The following PLAGL2 variants were observed in gnomAD, a reference collection of about 807,000 sequenced individuals.
PLAGL2 encodes the protein zinc finger protein PLAGL2.
PLAGL2 carries 7 observed loss-of-function variants against 29.0 expected under a neutral mutation model. That is an observed-to-expected ratio of 0.24 (90% CI 0.14 to 0.45). The LOEUF is 0.45. Among genes scored for constraint, PLAGL2 ranks in the 20% least tolerant of loss-of-function variants. The probability of loss-of-function intolerance (pLI) is 0.99; values close to 1 mark genes in which losing one functional copy is unlikely to be tolerated. For synonymous variants in PLAGL2, 234 were observed against 266.0 expected (o/e 0.88, Z 1.17); for missense variants, 454 against 648.2 (o/e 0.70, Z 3.25).
chr20:32,204,635 A>C (rs2047276577), intron 1 of PLAGL2, among the ~76,000 whole-genome samples: 1 of 152,182 alleles, frequency 6.6e-6, no homozygotes, highest in African/African-American at 2.4e-5. Context: ...GGATAACCAA[A>C]GCTGCTAGTG....
rs891582508 is a variant in PLAGL2 at position 32,196,392 on chromosome 20, G to A, written c.*60C>T. The A allele has an allele frequency of 9.0e-5, 111 of 1,237,842 alleles. No individual in the cohort carries two copies. Among genetic ancestry groups the A allele is most frequent in the Non-Finnish European group, 1.1e-4 (102 of 940,372 alleles). 76.7% of individuals were successfully genotyped at this position (1,237,842 alleles called of 1,614,324 possible). A position where few individuals can be genotyped will look rare whatever the true frequency, so the allele number is the denominator to read the frequency against. On this transcript the variant is annotated 3_prime_UTR_variant, in exon 3 of 3. Coordinates refer to ENST00000246229, the MANE Select transcript of PLAGL2 (RefSeq NM_002657.3). ...AGCTGCCTTCATGGGGGACACAGAC[G>A]GGGTGGGTACTAAGGCTCCATAACA...
chr20:32,196,238 T>G lies in PLAGL2; in HGVS notation c.*214A>C. ...AAATAATACCTGAAGTCCTACGGTA[T>G]GAGATCTTTTCACGGGGTTGGGGCT... On this transcript the variant is annotated 3_prime_UTR_variant, in exon 3 of 3. Transcript: ENST00000246229. The G allele has an allele frequency of 3.1e-5, 12 of 393,430 alleles. No individual in the cohort carries two copies. Among genetic ancestry groups the G allele is most frequent in the South Asian group, 1.4e-4 (1 of 7,160 alleles). 24.4% of individuals were successfully genotyped at this position (393,430 alleles called of 1,614,324 possible). A position where few individuals can be genotyped will look rare whatever the true frequency, so the allele number is the denominator to read the frequency against.
At chr20:32,206,949 T>A (rs146431956) in intron 1 of PLAGL2, among the ~76,000 whole-genome samples, 27 of 151,746 alleles carry the variant, frequency 1.8e-4, no homozygotes, top group Non-Finnish European at 4.4e-5. Context: ...CTCTAAGGGA[T>A]CCCCACAAGA....
In PLAGL2 at chr20:32,202,206, T is replaced by C. The variant is rs1180173864; in HGVS notation, c.-28A>G. The C allele has an allele frequency of 1.2e-6, 2 of 1,610,332 alleles. No individual in the cohort carries two copies. Among genetic ancestry groups the C allele is most frequent in the Non-Finnish European group, 8.5e-7 (1 of 1,177,234 alleles). On this transcript the variant is annotated 5_prime_UTR_variant, in exon 2 of 3. It adds an upstream start codon to the 5' untranslated region. Transcript: ENST00000246229. The stretch of plus-strand genomic sequence containing the variant: ...CAAGGCTAATGGCAAAGGGCCATGT[T>C]ATTGAGAAAGCCTCCCCATCCGCTC...
At chr20:32,202,866 G>C (rs765827028) in intron 1 of PLAGL2, among the ~76,000 whole-genome samples, 5 of 152,196 alleles carry the variant, frequency 3.3e-5, no homozygotes, top group Non-Finnish European at 5.9e-5. Context: ...TCTTAGCAGT[G>C]CATCAACATC....
At position 32,196,832 on chromosome 20, in the gene PLAGL2, A is replaced by G; in HGVS notation, c.1111T>C (p.Ser371Pro). The change falls in exon 3 of 3, where the codon TCT (serine) becomes CCT (proline). Residue 371 changes from serine to proline, a missense_variant. By Grantham distance (74) the Ser-to-Pro change is moderately conservative (BLOSUM62 -1). Transcript: ENST00000246229. ...GGCTGGGGTTCAGCGGATGAGAGAGACAGGCTTCCAGGAAGCTCCGCCAGA... is the reference window on the plus strand; with the variant it reads ...GGCTGGGGTTCAGCGGATGAGAGAGGCAGGCTTCCAGGAAGCTCCGCCAGA... ...SFLAELPGSL[S>P]LSSAEPQPAS... 6.2e-7 allele frequency: 1 copy of G among 1,613,870 alleles called. No individual in the cohort carries two copies. Among genetic ancestry groups the G allele is most frequent in the Non-Finnish European group, 8.5e-7 (1 of 1,179,808 alleles).
intron 1 of PLAGL2, among the ~76,000 whole-genome samples, chr20:32,203,980 T>C (rs930688275): frequency 6.6e-6 from 1 of 152,218 alleles, no homozygotes; most frequent in African/African-American, 2.4e-5. Context: ...TTATGGCATA[T>C]GTGCCTGCTT....
At chr20:32,198,886 T>C (rs931240589) in intron 2 of PLAGL2, among the ~76,000 whole-genome samples, 2 of 152,226 alleles carry the variant, frequency 1.3e-5, no homozygotes, top group African/African-American at 2.4e-5. Context: ...TATGTACCAC[T>C]TGAATTGCTT....
Position 32,197,587 on chromosome 20 carries a change from G to GTCTGCAGATGGT in PLAGL2, c.344_355dup (p.Asn115_Gln118dup). The GTCTGCAGATGGT allele has an allele frequency of 1.9e-6, 3 of 1,614,160 alleles. No individual in the cohort carries two copies. Among genetic ancestry groups the GTCTGCAGATGGT allele is most frequent in the Non-Finnish European group, 2.5e-6 (3 of 1,179,986 alleles). On this transcript the variant is annotated inframe_insertion, in exon 3 of 3. Coordinates refer to ENST00000246229, the MANE Select transcript of PLAGL2 (RefSeq NM_002657.3). The surrounding 1 kb of genome is among the most constrained non-coding windows in gnomAD (Gnocchi z 6.6). ...GAGGGCCTCTTTGTTAGGATCATGG[G>GTCTGCAGATGGT]TCTGCAGATGGTTCCGCAGATGGTC...
chr20:32,198,737 T>C (rs1443932901), intron 2 of PLAGL2, among the ~76,000 whole-genome samples: 2 of 152,136 alleles, frequency 1.3e-5, no homozygotes, highest in African/African-American at 4.8e-5. Flanking sequence ...TACAATCTGT[T>C]TTGAAAATAA....
At position 32,201,912 on chromosome 20, in the gene PLAGL2, C is replaced by T; in HGVS notation, c.260+7G>A. On this transcript the variant is annotated splice_region_variant and intron_variant, in intron 2 of 2. Transcript: ENST00000246229. ...AGGGCAGGAAGAGATATGAGAGTGT[C>T]ACCTACCTATACAGCTTGTATTTGG... 6.2e-7 allele frequency: 1 copy of T among 1,609,878 alleles called. No homozygotes were observed. The highest frequency in any genetic ancestry group is 1.7e-4 in the Middle Eastern group (1 of 6,016).
rs1483902207 is a variant in PLAGL2, at chr20:32,195,094, A to C, written c.*1358T>G. 6.6e-6 allele frequency: 1 copy of C among 152,300 alleles called. No homozygotes were observed. Among genetic ancestry groups the C allele is most frequent in the Non-Finnish European group, 1.5e-5 (1 of 68,076 alleles). The allele number at this position is 152,300 out of a possible 1,614,324, so 9.4% of individuals were successfully genotyped here. A position where few individuals can be genotyped will look rare whatever the true frequency, so the allele number is the denominator to read the frequency against. On this transcript the variant is annotated 3_prime_UTR_variant, in exon 3 of 3. Coordinates refer to ENST00000246229, the MANE Select transcript of PLAGL2 (RefSeq NM_002657.3). ...CGGGGGTGGGGGCACAGGAAAGTGG[A>C]AGTGATTTGATGGAGAGCAGAGAAG...
chr20:32,200,928 C>G (rs1223027437), intron 2 of PLAGL2, among the ~76,000 whole-genome samples: 1 of 152,204 alleles, frequency 6.6e-6, no homozygotes, highest in Non-Finnish European at 1.5e-5. Context: ...CCCATCCTCA[C>G]CAAAGCAACC....
rs188411619 is a variant in PLAGL2 at position 32,199,730 on chromosome 20, C to G, written c.261-2048G>C. On this transcript the variant is annotated intron_variant, in intron 2 of 2. Transcript: ENST00000246229. ...TGGTACATGCCTGTGATCCTAGCTA[C>G]TCAGGAGGCTGAGGCAGGAGGATCA... Among the ~76,000 whole-genome samples, 333 of 152,144 alleles carry G rather than the reference C, an allele frequency of 2.2e-3. 2 individuals carry two copies. The highest frequency in any genetic ancestry group is 6.4e-3 in the South Asian group (31 of 4,816).
chr20:32,201,229 C>T (rs1282073051), intron 2 of PLAGL2, among the ~76,000 whole-genome samples: 1 of 152,062 alleles, frequency 6.6e-6, no homozygotes, highest in East Asian at 1.9e-4. Context: ...AATACTGATT[C>T]CTAACTTCTA....
At chr20:32,198,328 A>G (rs1269648234) in intron 2 of PLAGL2, among the ~76,000 whole-genome samples, 1 of 152,258 alleles carries the variant, frequency 6.6e-6, no homozygotes, top group Non-Finnish European at 1.5e-5. Flanking sequence ...ATGATACAAT[A>G]AAGAGAAAAT....
At chr20:32,201,853 CAG>C (rs1244226865) in intron 2 of PLAGL2, 64 bp downstream of exon 2, 392 of 1,404,292 alleles carry the variant, frequency 2.8e-4, no homozygotes, top group Non-Finnish European at 3.7e-4. Context: ...CCACACTAGG[CAG>C]AGTCTCTCTG....
At position 32,196,911 on chromosome 20, in the gene PLAGL2, A is replaced by G. The variant is rs1385772483; in HGVS notation, c.1032T>C (p.Leu344=). 1 of 1,614,062 alleles carries G rather than the reference A, an allele frequency of 6.2e-7. No homozygotes were observed. Among genetic ancestry groups the G allele is most frequent in the African/African-American group, 1.3e-5 (1 of 74,928 alleles). Residue 344 remains leucine (L), a synonymous_variant, in exon 3 of 3, where the codon CTT becomes CTC. Coordinates refer to ENST00000246229, the MANE Select transcript of PLAGL2 (RefSeq NM_002657.3). ...TGTCGGGCAAGTATGAGGTAGATCCAAGCTGGTATTTTGGAGGGAGCTGAG... is the reference window on the plus strand; with the variant it reads ...TGTCGGGCAAGTATGAGGTAGATCCGAGCTGGTATTTTGGAGGGAGCTGAG... ...SPAQLPPKYQ[L]GSTSYLPDKL... is the part of the protein sequence containing the mutation.
At chr20:32,198,842 G>C (rs546862317) in intron 2 of PLAGL2, among the ~76,000 whole-genome samples, 2 of 152,318 alleles carry the variant, frequency 1.3e-5, no homozygotes, top group Admixed American at 6.5e-5. Flanking sequence ...GTGACTTCGA[G>C]TGTGAGGATC....
Sources: allele counts gnomAD v4.1 joint callset (sites outside exome capture counted in the v4.1 genomes callset), GRCh38; gene constraint gnomAD v4.1.1; non-coding constraint Gnocchi (gnomAD v3.1); transcripts MANE v1.5; gene names NCBI Gene and HGNC (gene_info 2026-07-23, HGNC 2026-07-21).